Variants in SMARCC1 observed in about 807,000 individuals in gnomAD.
The protein encoded by SMARCC1 is SWI/SNF related BAF chromatin remodeling complex subunit C1, also known as SWI/SNF complex subunit SMARCC1.
A neutral mutation model predicts 147.4 loss-of-function variants in SMARCC1; 43 were observed. That is an observed-to-expected ratio of 0.29 (90% CI 0.23 to 0.38). SMARCC1 has a LOEUF of 0.38. Among genes scored for constraint, SMARCC1 ranks in the 10% least tolerant of loss-of-function variants. SMARCC1 has a pLI of 1.00. For missense variants in SMARCC1, 1,119 were observed against 1,381.1 expected, an observed-to-expected ratio of 0.81 and a Z score of 3.01; for synonymous variants, 495 against 484.4, an observed-to-expected ratio of 1.02 and a Z score of -0.29.
At chr3:47,602,766 CAT>C (rs146838573) in intron 26 of SMARCC1, among the ~76,000 whole-genome samples, 175 of 152,344 alleles carry the variant, frequency 1.1e-3, no homozygotes, top group African/African-American at 3.8e-3. Flanking sequence ...TGCTTTCACA[CAT>C]AGAGTACACA....
chr3:47,636,253 G>C, intron 22 of SMARCC1, 117 bp from the exon 23 acceptor site: 1 of 621,890 alleles, frequency 1.6e-6, no homozygotes, highest in Non-Finnish European at 2.8e-6. Context: ...AAATAGACTA[G>C]ATTCAAAAGT....
intron 22 of SMARCC1, among the ~76,000 whole-genome samples, chr3:47,637,351 T>C (rs1250134378): frequency 6.6e-6 from 1 of 152,216 alleles, no homozygotes; most frequent in Non-Finnish European, 1.5e-5. Context: ...CCTTCAATCT[T>C]GGCTTATATA....
At chr3:47,589,490 G>T (rs183403211) in intron 27 of SMARCC1, among the ~76,000 whole-genome samples, 63 of 152,298 alleles carry the variant, frequency 4.1e-4, no homozygotes, top group Middle Eastern at 6.8e-3. Context: ...TTTATGTATG[G>T]TCCACAGGGT....
Position 47,706,491 on chromosome 3 carries a change from C to T in SMARCC1, c.958G>A (p.Ala320Thr). The T allele has an allele frequency of 6.3e-7, 1 of 1,582,762 alleles. No individual in the cohort carries two copies. The highest frequency in any genetic ancestry group is 8.6e-7 in the Non-Finnish European group (1 of 1,168,066). ...GAATGTTTCCTCTTTCGAGCATTAG[C>T]TGATGCTTTTCTATCTCTTCTTTCT... The part of the protein sequence containing the change: ...SPERRDRKAS[A>T]NARKRKHSPS... The change falls in exon 10 of 28, where the codon GCT becomes ACT. Residue 320 changes from alanine to threonine, a missense_variant. This residue lies in a region of SMARCC1 where 542 missense variants were observed against 611.8 expected (regional missense o/e 0.89). Coordinates refer to ENST00000254480, the MANE Select transcript of SMARCC1 (RefSeq NM_003074.4).
At chr3:47,649,803 T>G (rs1270533775) in intron 21 of SMARCC1, among the ~76,000 whole-genome samples, 1 of 152,168 alleles carries the variant, frequency 6.6e-6, no homozygotes, top group Non-Finnish European at 1.5e-5. Flanking sequence ...GAGAAACCCT[T>G]GACTAGCCCT....
intron 18 of SMARCC1, among the ~76,000 whole-genome samples, chr3:47,674,190 A>T (rs1190676529): frequency 6.6e-6 from 1 of 152,222 alleles, no homozygotes; most frequent in East Asian, 1.9e-4. Flanking sequence ...ATTATTGTTT[A>T]AACAACCTGT....
At chr3:47,627,101 T>C (rs1444903654) in intron 24 of SMARCC1, among the ~76,000 whole-genome samples, 1 of 152,196 alleles carries the variant, frequency 6.6e-6, no homozygotes, top group East Asian at 1.9e-4. Context: ...AATTTTGCTA[T>C]TGTAAAATAA....
In SMARCC1 at chr3:47,680,455, T is replaced by C; in HGVS notation, c.1439A>G (p.Lys480Arg). ...ALPEFFNGKNKSKTPEIYLAY... is the reference protein window; with the variant it reads ...ALPEFFNGKNRSKTPEIYLAY... ...GCCTCACATTTCTGGAGTCTTGGAT[T>C]TGTTTTTTCCATTGAAGAACTCAGG... The change falls in exon 15 of 28, where the codon AAA (lysine) becomes AGA (arginine). Residue 480 changes from lysine (K) to arginine (R), a missense_variant. Lys to Arg is a conservative substitution (Grantham distance 26). This residue lies in a region of SMARCC1 where 542 missense variants were observed against 611.8 expected (regional missense o/e 0.89). Transcript: ENST00000254480. The C allele has an allele frequency of 6.2e-7, 1 of 1,612,116 alleles. No individual in the cohort carries two copies. The highest frequency in any genetic ancestry group is 8.5e-7 in the Non-Finnish European group (1 of 1,178,718).
At chr3:47,621,905 A>C (rs2032739261) in intron 25 of SMARCC1, among the ~76,000 whole-genome samples, 1 of 152,186 alleles carries the variant, frequency 6.6e-6, no homozygotes, top group Admixed American at 6.5e-5. Context: ...TAGGTAATGA[A>C]ATAACTCTAA....
intron 1 of SMARCC1, among the ~76,000 whole-genome samples, chr3:47,773,500 G>C (rs1389079035): frequency 6.6e-6 from 1 of 151,268 alleles, no homozygotes; most frequent in Non-Finnish European, 1.5e-5. Flanking sequence ...ACATCAGCTA[G>C]GAAGCTTCAC....
chr3:47,672,224 T>C (rs1297608845), intron 18 of SMARCC1, among the ~76,000 whole-genome samples: 1 of 149,840 alleles, frequency 6.7e-6, no homozygotes, highest in Non-Finnish European at 1.5e-5. Context: ...ACTTTTCTTT[T>C]CTTTTTTTGA....
At chr3:47,759,129 A>G (rs1213666879) in intron 2 of SMARCC1, among the ~76,000 whole-genome samples, 1 of 151,936 alleles carries the variant, frequency 6.6e-6, no homozygotes, top group Non-Finnish European at 1.5e-5. Flanking sequence ...CTCCCACCTC[A>G]GCCTCCCAAA....
At chr3:47,596,576 AAAATAAAT>A (rs1189656123) in intron 26 of SMARCC1, among the ~76,000 whole-genome samples, 1 of 151,516 alleles carries the variant, frequency 6.6e-6, no homozygotes, top group Non-Finnish European at 1.5e-5. Flanking sequence ...CAAAAAAAAA[AAAATAAAT>A]AAATAAATAA....
intron 26 of SMARCC1, among the ~76,000 whole-genome samples, chr3:47,609,122 C>A (rs1559624648): frequency 6.6e-6 from 1 of 152,112 alleles, no homozygotes. Context: ...TTCAAACAAA[C>A]TAAGCACTCA....
At chr3:47,736,186 T>C in intron 4 of SMARCC1, 60 bp from the exon 5 acceptor site, 1 of 928,232 alleles carries the variant, frequency 1.1e-6, no homozygotes, top group Non-Finnish European at 1.7e-6. Context: ...ATCATATTAT[T>C]TATGCAATAT....
At chr3:47,739,268 G>C (rs577102208) in intron 3 of SMARCC1, among the ~76,000 whole-genome samples, 1 of 152,250 alleles carries the variant, frequency 6.6e-6, no homozygotes, top group East Asian at 1.9e-4. Context: ...GTATATATTA[G>C]AACAGTGCTT....
At chr3:47,776,079 C>T (rs934714030) in intron 1 of SMARCC1, among the ~76,000 whole-genome samples, 17 of 151,536 alleles carry the variant, frequency 1.1e-4, no homozygotes, top group African/African-American at 3.1e-4. Flanking sequence ...ATCCGGGAGG[C>T]GGAGGTTGCA....
intron 16 of SMARCC1, 37 bp from the exon 17 acceptor site, chr3:47,676,819 A>G (rs1377755859): frequency 2.5e-6 from 4 of 1,581,220 alleles, no homozygotes; most frequent in Non-Finnish European, 3.5e-6. Flanking sequence ...AATCTAAAGA[A>G]TCAACTTCAT....
chr3:47,729,881 T>C (rs1483833711), intron 5 of SMARCC1, among the ~76,000 whole-genome samples: 1 of 152,214 alleles, frequency 6.6e-6, no homozygotes, highest in African/African-American at 2.4e-5. Flanking sequence ...AGTTTCCTGA[T>C]GCATATAAAA....
Sources: allele counts gnomAD v4.1 joint callset (sites outside exome capture counted in the v4.1 genomes callset), GRCh38; gene constraint gnomAD v4.1.1; regional missense constraint gnomAD v4.1.1; transcripts MANE v1.5; gene names NCBI Gene and HGNC (gene_info 2026-07-23, HGNC 2026-07-21).